Variants in UBE2Q2 observed in about 807,000 individuals in gnomAD.
UBE2Q2 encodes ubiquitin-conjugating enzyme E2 Q2.
Under a neutral mutation model 59.9 loss-of-function variants are expected in UBE2Q2, and 54 were observed. The ratio of observed to expected loss-of-function variants is 0.90; its 90% CI spans 0.72 to 1.13. UBE2Q2 has a LOEUF of 1.13. Ranked by LOEUF, UBE2Q2 falls within the 50% of genes most tolerant of loss-of-function variation. The pLI is 0.00. For synonymous variants in UBE2Q2, 165 were observed against 155.2 expected, an observed-to-expected ratio of 1.06 and a Z score of -0.47; for missense variants, 433 against 441.9, an observed-to-expected ratio of 0.98 and a Z score of 0.18.
intron 1 of UBE2Q2, among the ~76,000 whole-genome samples, chr15:75,848,339 A>G (rs1259015802): frequency 4.6e-5 from 7 of 152,366 alleles, no homozygotes; most frequent in South Asian, 2.1e-4. Flanking sequence ...TCAAAGTTGT[A>G]CAAAGGAAAT....
intron 3 of UBE2Q2, among the ~76,000 whole-genome samples, chr15:75,865,717 A>C (rs868732798): frequency 6.6e-6 from 1 of 151,886 alleles, no homozygotes; most frequent in Non-Finnish European, 1.5e-5. Context: ...TATTGGTGTT[A>C]CTGCTGTCTT....
Position 75,900,067 on chromosome 15 carries a change from A to G in UBE2Q2, c.*609A>G. The G allele has an allele frequency of 6.5e-6, 1 of 152,734 alleles. No individual in the cohort carries two copies. 9.5% of individuals were successfully genotyped at this position (152,734 alleles called of 1,614,324 possible). A position where few individuals can be genotyped will look rare whatever the true frequency, so the allele number is the denominator to read the frequency against. ...TGAGTTGTATTGTACTTCTTAGGCA[A>G]AGCAGTGTAAAACTGTATCAATTAA... is the stretch of plus-strand genomic sequence containing the variant. On this transcript the variant is annotated 3_prime_UTR_variant, in exon 13 of 13. Coordinates refer to ENST00000267938, the MANE Select transcript of UBE2Q2 (RefSeq NM_173469.4).
At chr15:75,877,054 A>G (rs1285828210) in intron 6 of UBE2Q2, among the ~76,000 whole-genome samples, 1 of 144,564 alleles carries the variant, frequency 6.9e-6, no homozygotes, top group Non-Finnish European at 1.5e-5. Context: ...CGAGCTACTC[A>G]GTGGTCTGAG....
At chr15:75,846,494 AG>A (rs1306636390) in intron 1 of UBE2Q2, among the ~76,000 whole-genome samples, 4 of 152,192 alleles carry the variant, frequency 2.6e-5, no homozygotes, top group South Asian at 4.1e-4. Context: ...CTGGGATTAC[AG>A]GAGTGAGCCA....
chr15:75,876,197 C>G lies in UBE2Q2; in HGVS notation c.599C>G (p.Ser200Cys). 1.2e-6 allele frequency: 2 copies of G among 1,613,698 alleles called. No homozygotes were observed. The highest frequency in any genetic ancestry group is 1.1e-5 in the South Asian group (1 of 91,072). Residue 200 changes from serine (S) to cysteine (C), a missense_variant, in exon 6 of 13, where the codon TCT becomes TGT. Ser to Cys is a moderately radical substitution (Grantham distance 112). Coordinates refer to ENST00000267938, the MANE Select transcript of UBE2Q2 (RefSeq NM_173469.4). Reference protein sequence around the residue: ...QRQDHLNGAVSGSVQASDRLM... With the variant: ...QRQDHLNGAVCGSVQASDRLM... ...GCTTTTGTGTTTCAGGGTGCAGTGTCTGGGTCAGTGCAAGCTTCAGATAGA... is the reference window on the plus strand; with the variant it reads ...GCTTTTGTGTTTCAGGGTGCAGTGTGTGGGTCAGTGCAAGCTTCAGATAGA...
chr15:75,844,338 T>C (rs1053142766), intron 1 of UBE2Q2: 1 of 1,550,000 alleles, frequency 6.5e-7, no homozygotes, highest in Non-Finnish European at 8.7e-7. Context: ...AGTTTGCGTT[T>C]AAGGAGAAAC....
chr15:75,887,631 A>AT (rs1898860600), intron 9 of UBE2Q2, among the ~76,000 whole-genome samples: 1 of 151,620 alleles, frequency 6.6e-6, no homozygotes, highest in African/African-American at 2.4e-5. Flanking sequence ...TTTCTGTATA[A>AT]CTGGTTGAGG....
rs368038104 is a variant in UBE2Q2 at position 75,883,389 on chromosome 15, A to G, written c.849A>G (p.Pro283=). ...AGGATAACTTTCCATTTGATCCTCC[A>G]TTTGTTCGAGTGGTGTTACCTGTTC... The part of the protein sequence containing the change: ...SFKDNFPFDP[P]FVRVVLPVLS... Residue 283 remains proline, a synonymous_variant, in exon 9 of 13, where the codon CCA becomes CCG. Coordinates refer to ENST00000267938, the MANE Select transcript of UBE2Q2 (RefSeq NM_173469.4). 2.5e-6 allele frequency: 4 copies of G among 1,613,238 alleles called. No homozygotes were observed. Among genetic ancestry groups the G allele is most frequent in the Admixed American group, 1.7e-5 (1 of 59,954 alleles).
intron 1 of UBE2Q2, among the ~76,000 whole-genome samples, chr15:75,847,857 A>T (rs1404077738): frequency 6.6e-6 from 1 of 152,138 alleles, no homozygotes; most frequent in Non-Finnish European, 1.5e-5. Flanking sequence ...TTTTTATATT[A>T]CTTGTAGAGC....
intron 2 of UBE2Q2, among the ~76,000 whole-genome samples, chr15:75,858,208 A>G (rs1294771627): frequency 1.3e-5 from 2 of 152,170 alleles, no homozygotes; most frequent in Non-Finnish European, 2.9e-5. Flanking sequence ...AGGGATTCCT[A>G]AATCTGTATT....
At chr15:75,860,091 C>A in intron 3 of UBE2Q2, 109 bp downstream of exon 3, 1 of 791,752 alleles carries the variant, frequency 1.3e-6, no homozygotes. Flanking sequence ...AAGTTAGTTT[C>A]ATTTTTGTTC....
intron 3 of UBE2Q2, among the ~76,000 whole-genome samples, chr15:75,861,432 G>T (rs1319340699): frequency 6.6e-6 from 1 of 152,158 alleles, no homozygotes; most frequent in African/African-American, 2.4e-5. Context: ...CAGCACAACA[G>T]TATACTTAGT....
At chr15:75,844,367 C>T (rs1010694053) in intron 1 of UBE2Q2, 5 of 1,550,884 alleles carry the variant, frequency 3.2e-6, no homozygotes, top group Non-Finnish European at 1.7e-6. Flanking sequence ...AGAATGGACT[C>T]GTTGACGGAG....
chr15:75,843,692 A>C lies in UBE2Q2; in HGVS notation c.26A>C (p.Glu9Ala). ...ATGTCCGTGTCAGGGCTCAAGGCCG[A>C]GCTGAAGTTCCTGGCGTCCATCTTC... MSVSGLKA[E>A]LKFLASIFDK... Residue 9 changes from glutamate to alanine, a missense_variant, in exon 1 of 13, where the codon GAG (glutamate) becomes GCG (alanine). By Grantham distance (107) the Glu-to-Ala change is moderately radical (BLOSUM62 -1). Coordinates refer to ENST00000267938, the MANE Select transcript of UBE2Q2 (RefSeq NM_173469.4). 6.2e-7 allele frequency: 1 copy of C among 1,610,714 alleles called. No homozygotes were observed. The highest frequency in any genetic ancestry group is 8.5e-7 in the Non-Finnish European group (1 of 1,178,632).
chr15:75,891,712 G>C (rs1267780007), intron 11 of UBE2Q2, among the ~76,000 whole-genome samples: 1 of 152,110 alleles, frequency 6.6e-6, no homozygotes, highest in Non-Finnish European at 1.5e-5. Context: ...TAAGGATGTT[G>C]TTCAGGCTGG....
chr15:75,851,135 C>CTTT (rs1177827175), intron 1 of UBE2Q2, among the ~76,000 whole-genome samples: 1 of 140,490 alleles, frequency 7.1e-6, no homozygotes. Context: ...GGATATTCTT[C>CTTT]TTTTTTTTTT....
intron 3 of UBE2Q2, among the ~76,000 whole-genome samples, chr15:75,865,797 T>C (rs1478577780): frequency 6.9e-6 from 1 of 144,784 alleles, no homozygotes; most frequent in Non-Finnish European, 1.6e-5. Flanking sequence ...CTGAATAATA[T>C]CTGGTTGTTT....
Position 75,879,111 on chromosome 15 carries a change from A to G in UBE2Q2, c.748A>G (p.Ser250Gly). The G allele has an allele frequency of 6.3e-7, 1 of 1,580,932 alleles. No homozygotes were observed. Among genetic ancestry groups the G allele is most frequent in the Non-Finnish European group, 8.6e-7 (1 of 1,166,730 alleles). ...TGTAATTCTTAGGGTTGACCCTGAT[A>G]GTCCTTTGCACAGTGATCTTCAGAT... ...HVKLQKVDPD[S>G]PLHSDLQILK... Residue 250 changes from serine to glycine, a missense_variant, in exon 8 of 13, where the codon AGT (serine) becomes GGT (glycine). By Grantham distance (56) the Ser-to-Gly change is moderately conservative. Transcript: ENST00000267938.
chr15:75,844,617 T>C (rs1286636824), intron 1 of UBE2Q2: 12 of 1,022,618 alleles, frequency 1.2e-5, no homozygotes, highest in South Asian at 9.3e-5. Context: ...AAAGACACTT[T>C]TAAAAACTCA....
Sources: gnomAD v4.1 joint callset for allele counts (sites outside exome capture counted in the v4.1 genomes callset) on GRCh38, gnomAD v4.1.1 for gene constraint, MANE v1.5 for transcripts, NCBI Gene and HGNC (gene_info 2026-07-23, HGNC 2026-07-21) for gene names.